The following APBB2 variants were observed in gnomAD, a reference collection of about 807,000 sequenced individuals.
APBB2 encodes the protein amyloid beta precursor protein binding family B member 2, also known as Fe65-like 1.
In APBB2, 38 loss-of-function variants were observed where a neutral mutation model predicts 82.5. That is an observed-to-expected ratio of 0.46 (90% CI 0.36 to 0.60). The LOEUF is 0.60. Among genes scored for constraint, APBB2 ranks in the 20% least tolerant of loss-of-function variants. The probability of loss-of-function intolerance (pLI) is 0.00; values close to 1 mark genes in which losing one functional copy is unlikely to be tolerated. For synonymous variants in APBB2, 341 were observed against 368.2 expected, an observed-to-expected ratio of 0.93 and a Z score of 0.85; for missense variants, 772 against 972.3, an observed-to-expected ratio of 0.79 and a Z score of 2.74.
At chr4:40,992,726 G>T (rs1001577780) in intron 6 of APBB2, among the ~76,000 whole-genome samples, 2 of 152,080 alleles carry the variant, frequency 1.3e-5, no homozygotes, top group African/African-American at 4.8e-5. Context: ...GCAGAAGACC[G>T]ACCCCCGATG....
rs1045133044 is a variant in APBB2 at position 40,843,290 on chromosome 4, G to C, written c.1530-12713C>G. On this transcript the variant is annotated intron_variant, in intron 12 of 17. Transcript: ENST00000508593. ...GTCATGGAGCGGCCAGCAGGGCCCT[G>C]CAGGGATGGAGCTAAAATCATGGCA... is the stretch of plus-strand genomic sequence containing the variant. 3.9e-5 allele frequency among the ~76,000 whole-genome samples: 6 copies of C among 152,346 alleles called. No homozygotes were observed. In the East Asian group the frequency reaches 1.2e-3, roughly 29 times the overall value.
intron 10 of APBB2, among the ~76,000 whole-genome samples, chr4:40,925,720 C>T (rs1159349785): frequency 6.6e-6 from 1 of 152,218 alleles, no homozygotes; most frequent in East Asian, 1.9e-4. Flanking sequence ...ATTTGCTACA[C>T]AGACCAGAAA....
chr4:41,168,200 CGG>C (rs1560938725), intron 1 of APBB2, among the ~76,000 whole-genome samples: 2 of 134,428 alleles, frequency 1.5e-5, no homozygotes, highest in African/African-American at 3.1e-5. Context: ...ACCCGGGAGG[CGG>C]AGCCTGCAGT....
chr4:40,979,080 G>A (rs534440557), intron 6 of APBB2, among the ~76,000 whole-genome samples: 12 of 152,192 alleles, frequency 7.9e-5, no homozygotes, highest in East Asian at 5.8e-4. Flanking sequence ...CAATGAGTTC[G>A]GGTAACTTGA....
chr4:40,992,068 A>G (rs1802260269), intron 6 of APBB2, among the ~76,000 whole-genome samples: 2 of 152,196 alleles, frequency 1.3e-5, no homozygotes, highest in African/African-American at 4.8e-5. Flanking sequence ...AAAATACTAC[A>G]GAGAGAAAAG....
chr4:40,896,743 G>T lies in APBB2; in HGVS notation c.1255-3332C>A, dbSNP rs1578260231. Among the ~76,000 whole-genome samples, 3 of 152,184 alleles carry T rather than the reference G, an allele frequency of 2.0e-5. No homozygotes were observed. The South Asian group carries it at 6.2e-4, about 32-fold the overall frequency. Reference sequence around the variant, plus strand: ...CATTCTGGCAAAATTATTCAGAGCAGCTCCTTTTACTCTCAAAAAGTGTCC... The same window carrying T: ...CATTCTGGCAAAATTATTCAGAGCATCTCCTTTTACTCTCAAAAAGTGTCC... On this transcript the variant is annotated intron_variant, in intron 10 of 17. Transcript: ENST00000508593.
intron 10 of APBB2, among the ~76,000 whole-genome samples, chr4:40,913,031 T>C (rs1778953622): frequency 6.6e-6 from 1 of 152,200 alleles, no homozygotes; most frequent in South Asian, 2.1e-4. Context: ...AGAAACGTTA[T>C]TTGCAGAGTA....
chr4:40,949,013 T>C (rs1411642617), intron 6 of APBB2, among the ~76,000 whole-genome samples: 1 of 151,988 alleles, frequency 6.6e-6, no homozygotes, highest in African/African-American at 2.4e-5. Flanking sequence ...GCACGGTGGC[T>C]CATGCCTATA....
chr4:41,054,548 T>C (rs1727165094), intron 4 of APBB2, among the ~76,000 whole-genome samples: 1 of 152,148 alleles, frequency 6.6e-6, no homozygotes, highest in Non-Finnish European at 1.5e-5. Context: ...GAGAAAATCA[T>C]CCAATGAAGG....
At chr4:41,186,472 T>A (rs1487321867) in intron 1 of APBB2, among the ~76,000 whole-genome samples, 1 of 152,184 alleles carries the variant, frequency 6.6e-6, no homozygotes, top group Non-Finnish European at 1.5e-5. Context: ...GCAACCTGTT[T>A]GCCATTAAGC....
Position 40,832,819 on chromosome 4 carries a change from T to G in APBB2, c.1530-2242A>C, listed in dbSNP as rs536135050. On this transcript the variant is annotated intron_variant, in intron 12 of 17. Transcript: ENST00000508593. The surrounding 1 kb of genome is among the most constrained non-coding windows in gnomAD (Gnocchi z 4.8). ...GTGCCTAACTCATCCCAGCGTCTAGTTCAGGCCTGGCGTATCACCGGTACT... is the reference window on the plus strand; with the variant it reads ...GTGCCTAACTCATCCCAGCGTCTAGGTCAGGCCTGGCGTATCACCGGTACT... Among the ~76,000 whole-genome samples the G allele has an allele frequency of 1.3e-5, 2 of 152,162 alleles. No individual in the cohort carries two copies. The highest frequency in any genetic ancestry group is 2.9e-5 in the Non-Finnish European group (2 of 68,032).
intron 3 of APBB2, among the ~76,000 whole-genome samples, chr4:41,085,500 G>A (rs1366389357): frequency 6.6e-6 from 1 of 151,998 alleles, no homozygotes; most frequent in Non-Finnish European, 1.5e-5. Context: ...ATATAATAAT[G>A]ACAATTAATT....
intron 6 of APBB2, among the ~76,000 whole-genome samples, chr4:40,979,764 G>A (rs887072090): frequency 9.9e-5 from 15 of 152,122 alleles, no homozygotes; most frequent in Admixed American, 7.2e-4. Flanking sequence ...GAATTCTGCC[G>A]ACAAGTGTGC....
intron 10 of APBB2, among the ~76,000 whole-genome samples, chr4:40,897,880 T>C (rs1195158180): frequency 1.3e-5 from 2 of 152,184 alleles, no homozygotes; most frequent in Admixed American, 6.5e-5. Flanking sequence ...ATGCTCATCT[T>C]GGAGCATGGG....
rs1410090799 is a variant in APBB2 at position 40,934,680 on chromosome 4, A to C, written c.1127T>G (p.Val376Gly). 1 of 1,613,864 alleles carries C rather than the reference A, an allele frequency of 6.2e-7. No individual in the cohort carries two copies. The highest frequency in any genetic ancestry group is 8.5e-7 in the Non-Finnish European group (1 of 1,179,726). ...DIWKDLHAAT[V>G]NPDPSLKEFE... ...CTCTTTTAAACTGGGGTCCGGGTTA[A>C]CAGTGGCTGCATGCAAATCCTAGAG... Residue 376 changes from valine to glycine, a missense_variant, in exon 9 of 18, where the codon GTT becomes GGT. Coordinates refer to ENST00000508593, the MANE Select transcript of APBB2 (RefSeq NM_004307.2).
chr4:40,882,585 G>A (rs930511204), intron 12 of APBB2, among the ~76,000 whole-genome samples: 3 of 152,176 alleles, frequency 2.0e-5, no homozygotes, highest in Non-Finnish European at 4.4e-5. Context: ...GCAAAGGAGG[G>A]AGCAAGTTCC....
intron 15 of APBB2, 31 bp from the exon 16 acceptor site, chr4:40,823,790 C>T (rs758592686): frequency 6.7e-7 from 1 of 1,483,362 alleles, no homozygotes; most frequent in Non-Finnish European, 9.3e-7. Context: ...TTTAAAGTGT[C>T]CTAAAGCCAC....
intron 12 of APBB2, among the ~76,000 whole-genome samples, chr4:40,867,436 C>G (rs946015068): frequency 6.6e-6 from 1 of 152,086 alleles, no homozygotes; most frequent in Non-Finnish European, 1.5e-5. Context: ...ATTATCAACC[C>G]CCTTTTTGTA....
chr4:40,974,176 C>T (rs903119651), intron 6 of APBB2, among the ~76,000 whole-genome samples: 2 of 151,994 alleles, frequency 1.3e-5, no homozygotes, highest in Non-Finnish European at 2.9e-5. Context: ...AAGAACACCA[C>T]TAAATATTGG....
Sources: gnomAD v4.1 joint callset for allele counts (sites outside exome capture counted in the v4.1 genomes callset) on GRCh38, gnomAD v4.1.1 for gene constraint, Gnocchi (gnomAD v3.1) non-coding constraint, MANE v1.5 for transcripts, NCBI Gene and HGNC (gene_info 2026-07-23, HGNC 2026-07-21) for gene names.